Variants in MDGA2 observed in about 807,000 individuals in gnomAD.
The protein encoded by MDGA2 is MAM domain containing glycosylphosphatidylinositol anchor 2, also known as MAM domain-containing glycosylphosphatidylinositol anchor protein 2.
MDGA2 carries 40 observed loss-of-function variants against 117.8 expected under a neutral mutation model. That is an observed-to-expected ratio of 0.34 (90% CI 0.26 to 0.44). The LOEUF is 0.44. Among genes scored for constraint, MDGA2 ranks in the 20% least tolerant of loss-of-function variants. MDGA2 has a pLI of 1.00. For synonymous variants in MDGA2, 452 were observed against 439.0 expected, an observed-to-expected ratio of 1.03 and a Z score of -0.37; for missense variants, 1,123 against 1,250.6, an observed-to-expected ratio of 0.90 and a Z score of 1.54.
At chr14:47,426,887 A>T (rs2138518322) in intron 1 of MDGA2, among the ~76,000 whole-genome samples, 1 of 151,876 alleles carries the variant, frequency 6.6e-6, no homozygotes, top group Admixed American at 6.6e-5. Context: ...CTTGGTGAAG[A>T]AGAGCAAGCT....
intron 8 of MDGA2, among the ~76,000 whole-genome samples, chr14:47,028,301 A>G (rs1264216688): frequency 1.3e-5 from 2 of 152,142 alleles, no homozygotes; most frequent in Non-Finnish European, 2.9e-5. Context: ...TTGAGTATAA[A>G]TTTATATTAT....
At chr14:47,312,675 T>C (rs1213735438) in intron 1 of MDGA2, among the ~76,000 whole-genome samples, 1 of 141,398 alleles carries the variant, frequency 7.1e-6, no homozygotes, top group Non-Finnish European at 1.5e-5. Flanking sequence ...AGCTAGTTTT[T>C]AGTTTTTTTT....
intron 2 of MDGA2, among the ~76,000 whole-genome samples, chr14:47,286,869 A>G (rs1888705788): frequency 6.9e-6 from 1 of 144,214 alleles, no homozygotes; most frequent in South Asian, 2.1e-4. Context: ...ATGATAGAAA[A>G]TGAGAATGCA....
In MDGA2 at chr14:46,865,976, T is replaced by C. The variant is rs1265491135; in HGVS notation, c.2752+7457A>G. ...AAATGGCCATACTGCCCAAGGTAAT[T>C]TATAGATTCAATGCCATCCCCATCA... On this transcript the variant is annotated intron_variant, in intron 14 of 16. Transcript: ENST00000399232. Among the ~76,000 whole-genome samples, 498 of 151,410 alleles carry C rather than the reference T, an allele frequency of 3.3e-3. 4 individuals are homozygous for C. Among genetic ancestry groups the C allele is most frequent in the African/African-American group, 0.012 (475 of 41,252 alleles).
chr14:47,452,243 G>A (rs1893257329), intron 1 of MDGA2, among the ~76,000 whole-genome samples: 1 of 151,990 alleles, frequency 6.6e-6, no homozygotes, highest in Non-Finnish European at 1.5e-5. Context: ...ATGTTCATAA[G>A]ATTCCCCACA....
chr14:46,945,421 C>T (rs1287493881), intron 9 of MDGA2, among the ~76,000 whole-genome samples: 1 of 152,038 alleles, frequency 6.6e-6, no homozygotes, highest in Non-Finnish European at 1.5e-5. Context: ...AGCTGAAATT[C>T]TGGCTTCCTT....
chr14:47,375,091 T>G (rs867140607), intron 1 of MDGA2, among the ~76,000 whole-genome samples: 43 of 152,004 alleles, frequency 2.8e-4, no homozygotes, highest in African/African-American at 8.9e-4. Flanking sequence ...TTTTTTTAAT[T>G]TTTTTAAAAT....
rs1013688155 is a variant in MDGA2 at position 47,387,231 on chromosome 14, C to T, written c.281-85681G>A. Among the ~76,000 whole-genome samples the T allele has an allele frequency of 2.6e-5, 4 of 152,228 alleles. No homozygotes were observed. The East Asian group carries it at 5.8e-4, about 22-fold the overall frequency. ...CCAAATCGGTTCTACAATCAGCATCCTTTCTTCAGTTCGCGAACAGGTTGT... is the reference window on the plus strand; with the variant it reads ...CCAAATCGGTTCTACAATCAGCATCTTTTCTTCAGTTCGCGAACAGGTTGT... On this transcript the variant is annotated intron_variant, in intron 1 of 16. Coordinates refer to ENST00000399232, the MANE Select transcript of MDGA2 (RefSeq NM_001113498.3).
At chr14:47,073,469 A>T (rs576570159) in intron 6 of MDGA2, among the ~76,000 whole-genome samples, 2 of 152,348 alleles carry the variant, frequency 1.3e-5, no homozygotes, top group South Asian at 4.1e-4. Context: ...TAGTTCCAAC[A>T]CAGAATATCC....
chr14:47,591,321 T>G (rs1896434556), intron 1 of MDGA2, among the ~76,000 whole-genome samples: 1 of 151,926 alleles, frequency 6.6e-6, no homozygotes, highest in African/African-American at 2.4e-5. Context: ...AAGGCAGCAG[T>G]TTAGTTAAGA....
chr14:47,670,642 C>A (rs996898079), intron 1 of MDGA2, among the ~76,000 whole-genome samples: 1 of 152,112 alleles, frequency 6.6e-6, no homozygotes, highest in Non-Finnish European at 1.5e-5. Context: ...GTTTTACATT[C>A]CAATTCTTGA....
intron 9 of MDGA2, among the ~76,000 whole-genome samples, chr14:46,933,417 G>T (rs1884654120): frequency 6.6e-6 from 1 of 151,790 alleles, no homozygotes; most frequent in Non-Finnish European, 1.5e-5. Flanking sequence ...CATATCTGAA[G>T]ATCCAAAAGG....
At chr14:47,009,803 A>C (rs563121118) in intron 8 of MDGA2, among the ~76,000 whole-genome samples, 5 of 152,116 alleles carry the variant, frequency 3.3e-5, no homozygotes, top group African/African-American at 9.6e-5. Flanking sequence ...ACACTTTAGC[A>C]TTCCGTAACT....
intron 1 of MDGA2, among the ~76,000 whole-genome samples, chr14:47,609,927 C>G (rs1896817607): frequency 6.6e-6 from 1 of 152,052 alleles, no homozygotes; most frequent in African/African-American, 2.4e-5. Context: ...AAGAAAACTA[C>G]TGACTGATAT....
intron 8 of MDGA2, among the ~76,000 whole-genome samples, chr14:47,011,626 T>C (rs1305225220): frequency 6.6e-6 from 1 of 152,016 alleles, no homozygotes; most frequent in African/African-American, 2.4e-5. Context: ...CATATATTTT[T>C]TAATTTATTT....
intron 1 of MDGA2, among the ~76,000 whole-genome samples, chr14:47,569,101 T>G (rs1487455038): frequency 6.6e-6 from 1 of 152,136 alleles, no homozygotes; most frequent in Non-Finnish European, 1.5e-5. Context: ...TTTAATACCT[T>G]TATTTGCTTT....
chr14:46,845,750 A>T lies in MDGA2; in HGVS notation c.2989+16T>A. The T allele has an allele frequency of 1.3e-6, 2 of 1,531,866 alleles. No homozygotes were observed. The highest frequency in any genetic ancestry group is 2.3e-5 in the South Asian group (2 of 86,984). The allele number at this position is 1,531,866 out of a possible 1,614,324, so 94.9% of individuals were successfully genotyped here. ...TTTAACGTTACAACAAACCAATCTCAAGCAAAGATACTTACTCTTAGTTGC... is the reference window on the plus strand; with the variant it reads ...TTTAACGTTACAACAAACCAATCTCTAGCAAAGATACTTACTCTTAGTTGC... On this transcript the variant is annotated intron_variant, in intron 16 of 16. Coordinates refer to ENST00000399232, the MANE Select transcript of MDGA2 (RefSeq NM_001113498.3).
In MDGA2 at chr14:47,636,784, C is replaced by CAAAAAAAAAA. The variant is rs56313968; in HGVS notation, c.280+37723_280+37732dup. 6.1e-4 allele frequency among the ~76,000 whole-genome samples: 28 copies of CAAAAAAAAAA among 45,990 alleles called. 2 individuals are homozygous for CAAAAAAAAAA. The highest frequency in any genetic ancestry group is 1.6e-3 in the East Asian group (2 of 1,286). 30.2% of individuals were successfully genotyped at this position (45,990 alleles called of 152,430 possible). ...TGGGCGACAGAGCGAGACTCCGTCT[C>CAAAAAAAAAA]AAAAAAAAAAAAAAAAAAAAAAAAA... On this transcript the variant is annotated intron_variant, in intron 1 of 16. Transcript: ENST00000399232.
intron 2 of MDGA2, among the ~76,000 whole-genome samples, chr14:47,230,225 G>T (rs948281928): frequency 6.6e-6 from 1 of 151,776 alleles, no homozygotes; most frequent in African/African-American, 2.4e-5. Context: ...CTATTCATAA[G>T]GTAACCAAAT....
Sources: allele counts gnomAD v4.1 joint callset (sites outside exome capture counted in the v4.1 genomes callset), GRCh38; gene constraint gnomAD v4.1.1; transcripts MANE v1.5; gene names NCBI Gene and HGNC (gene_info 2026-07-23, HGNC 2026-07-21).